Variants in BRD10 observed in about 807,000 individuals in gnomAD.
BRD10 encodes uncharacterized bromodomain-containing protein 10.
chr9:5,975,294 C>G, the BRD10 span, among the ~76,000 whole-genome samples: 1 of 151,706 alleles, frequency 6.6e-6, no homozygotes, highest in African/African-American at 2.4e-5. Context: ...ACAAAATTAG[C>G]TGGGCGTGGT....
At chr9:5,983,490 A>T in the BRD10 span, among the ~76,000 whole-genome samples, 1 of 152,254 alleles carries the variant, frequency 6.6e-6, no homozygotes, top group Admixed American at 6.5e-5. Context: ...AGAAAGACTT[A>T]GAAATTACAA....
the BRD10 span, among the ~76,000 whole-genome samples, chr9:5,985,288 A>T: frequency 1.3e-5 from 2 of 152,192 alleles, no homozygotes; most frequent in Non-Finnish European, 2.9e-5. Flanking sequence ...GAAAAACCAA[A>T]ACTTAAAAAA....
At chr9:5,895,715 C>G in the BRD10 span, among the ~76,000 whole-genome samples, 1 of 152,178 alleles carries the variant, frequency 6.6e-6, no homozygotes, top group Non-Finnish European at 1.5e-5. Context: ...GGGTGGAGTC[C>G]TATGATCTGC....
the BRD10 span, chr9:5,899,280 TG>T: frequency 1.3e-5 from 2 of 152,042 alleles, no homozygotes; most frequent in African/African-American, 2.4e-5. Context: ...AGGGTTGGTG[TG>T]GGGTGGGGAT....
the BRD10 span, chr9:5,920,109 G>C: frequency 6.2e-7 from 1 of 1,613,812 alleles, no homozygotes; most frequent in Non-Finnish European, 8.5e-7. Flanking sequence ...AATTTTGTAG[G>C]GCTTCTTAGA....
the BRD10 span, among the ~76,000 whole-genome samples, chr9:5,981,311 A>G: frequency 2.0e-5 from 3 of 152,234 alleles, no homozygotes; most frequent in East Asian, 1.9e-4. Flanking sequence ...TCTCTCCTCT[A>G]TAACCGTTTC....
chr9:5,914,410 GTTTTTTT>G, the BRD10 span, among the ~76,000 whole-genome samples: 6 of 75,456 alleles, frequency 8.0e-5, no homozygotes, highest in African/African-American at 2.4e-4. Context: ...AATCCAGATG[GTTTTTTT>G]TTTTTTTTTT....
chr9:5,905,918 GT>G, the BRD10 span, among the ~76,000 whole-genome samples: 1 of 152,120 alleles, frequency 6.6e-6, no homozygotes, highest in Non-Finnish European at 1.5e-5. Context: ...ATATTTTGCA[GT>G]TTTTTTCTTT....
the BRD10 span, among the ~76,000 whole-genome samples, chr9:5,913,116 A>G: frequency 6.6e-6 from 1 of 152,200 alleles, no homozygotes; most frequent in African/African-American, 2.4e-5. Flanking sequence ...TACTTTAAGG[A>G]GGGAACAAGA....
At chr9:5,979,193 A>G in the BRD10 span, among the ~76,000 whole-genome samples, 9 of 152,236 alleles carry the variant, frequency 5.9e-5, no homozygotes, top group African/African-American at 2.2e-4. Flanking sequence ...CAAGTTTGTA[A>G]AAGTACATGA....
At chr9:5,965,955 A>G in the BRD10 span, among the ~76,000 whole-genome samples, 1 of 152,186 alleles carries the variant, frequency 6.6e-6, no homozygotes, top group Non-Finnish European at 1.5e-5. Context: ...TAACATTGTT[A>G]TATCAATAAG....
the BRD10 span, among the ~76,000 whole-genome samples, chr9:5,915,795 T>A: frequency 6.6e-6 from 1 of 152,214 alleles, no homozygotes; most frequent in Non-Finnish European, 1.5e-5. Flanking sequence ...TCTATATCGT[T>A]CCTGCAACAT....
the BRD10 span, among the ~76,000 whole-genome samples, chr9:5,941,904 C>T: frequency 1.3e-5 from 2 of 152,104 alleles, no homozygotes. Flanking sequence ...GCAGAGAAGC[C>T]TCCTGATGCA....
chr9:6,002,768 C>A, the BRD10 span, among the ~76,000 whole-genome samples: 1 of 151,502 alleles, frequency 6.6e-6, no homozygotes, highest in Non-Finnish European at 1.5e-5. Context: ...TCTCCATCTT[C>A]CAGGTTTGAG....
At chr9:5,921,863 C>T in the BRD10 span, 1 of 1,613,886 alleles carries the variant, frequency 6.2e-7, no homozygotes. Flanking sequence ...ATCACCACTG[C>T]CAGTGGTGTG....
chr9:5,918,679 CA>C, the BRD10 span, among the ~76,000 whole-genome samples: 1 of 136,178 alleles, frequency 7.3e-6, no homozygotes, highest in Non-Finnish European at 1.5e-5. Flanking sequence ...GCATTAGTGG[CA>C]AAAAAACCAC....
the BRD10 span, among the ~76,000 whole-genome samples, chr9:5,906,298 C>G: frequency 1.3e-5 from 2 of 149,802 alleles, no homozygotes; most frequent in Non-Finnish European, 3.0e-5. Flanking sequence ...CCATTATACT[C>G]CAGCCTGGGC....
chr9:5,921,406 A>C, the BRD10 span: 1 of 1,613,964 alleles, frequency 6.2e-7, no homozygotes. Flanking sequence ...GAGGAGGAAG[A>C]GTTTGTTTTA....
At chr9:5,995,937 CACT>C in the BRD10 span, among the ~76,000 whole-genome samples, 1 of 152,100 alleles carries the variant, frequency 6.6e-6, no homozygotes, top group South Asian at 2.1e-4. Context: ...ATGATAACAC[CACT>C]GACAAAAATG....
Sources: allele counts gnomAD v4.1 joint callset (sites outside exome capture counted in the v4.1 genomes callset), GRCh38; gene constraint gnomAD v4.1.1; transcripts MANE v1.5; gene names NCBI Gene and HGNC (gene_info 2026-07-23, HGNC 2026-07-21).